RDX: variants seen among roughly 807,000 people sequenced by gnomAD.
RDX encodes deafness, autosomal recessive 24.
Under a neutral mutation model 83.7 loss-of-function variants are expected in RDX, and 32 were observed. That is an observed-to-expected ratio of 0.38 (90% CI 0.29 to 0.51). The LOEUF is 0.51. Among genes scored for constraint, RDX ranks in the 20% least tolerant of loss-of-function variants. The probability of loss-of-function intolerance (pLI) is 0.87; values close to 1 mark genes in which losing one functional copy is unlikely to be tolerated. For missense variants in RDX, 600 were observed against 689.9 expected (o/e 0.87, Z 1.46); for synonymous variants, 229 against 222.7 (o/e 1.03, Z -0.25).
chr11:110,275,902 A>G (rs144284871), intron 2 of RDX, among the ~76,000 whole-genome samples: 4,530 of 150,740 alleles, frequency 0.03, 130 homozygotes, highest in East Asian at 0.075. Flanking sequence ...CTCCTGCCAC[A>G]GCCTCCCAAG....
intron 5 of RDX, among the ~76,000 whole-genome samples, chr11:110,260,218 TCAG>T (rs1859747586): frequency 1.3e-5 from 2 of 152,086 alleles, no homozygotes; most frequent in African/African-American, 4.8e-5. Context: ...ACTCCCAGCC[TCAG>T]GTGATCCGCC....
chr11:110,235,675 A>T (rs2134307645), intron 12 of RDX, among the ~76,000 whole-genome samples: 1 of 152,320 alleles, frequency 6.6e-6, no homozygotes, highest in South Asian at 2.1e-4. Flanking sequence ...CACATCTCCT[A>T]ACATTTCTGA....
At chr11:110,201,404 G>A (rs1863396475) in intron 14 of RDX, among the ~76,000 whole-genome samples, 1 of 152,142 alleles carries the variant, frequency 6.6e-6, no homozygotes, top group African/African-American at 2.4e-5. Flanking sequence ...AAAGTTAATA[G>A]ATGAAAGGCA....
At chr11:110,175,642 G>T (rs542016269) in intron 15 of RDX, among the ~76,000 whole-genome samples, 3 of 152,096 alleles carry the variant, frequency 2.0e-5, no homozygotes, top group Non-Finnish European at 4.4e-5. Flanking sequence ...TGCCAGAGGC[G>T]AGGCTTTCTG....
chr11:110,188,520 G>T (rs891887839), intron 15 of RDX, among the ~76,000 whole-genome samples: 4 of 151,992 alleles, frequency 2.6e-5, no homozygotes, highest in Non-Finnish European at 4.4e-5. Flanking sequence ...AAGGATGGGA[G>T]GGGGGTGAGG....
At chr11:110,265,707 T>C (rs1200077230) in intron 3 of RDX, among the ~76,000 whole-genome samples, 1 of 152,068 alleles carries the variant, frequency 6.6e-6, no homozygotes, top group African/African-American at 2.4e-5. Flanking sequence ...TGCTGATGTT[T>C]TTTCCTCTGC....
At chr11:110,279,932 C>T (rs1356697551) in intron 1 of RDX, among the ~76,000 whole-genome samples, 176 bp from the exon 2 acceptor site, 1 of 152,128 alleles carries the variant, frequency 6.6e-6, no homozygotes, top group Non-Finnish European at 1.5e-5. Context: ...CCTAAGAAGA[C>T]TGAAATCTGA....
intron 14 of RDX, among the ~76,000 whole-genome samples, chr11:110,202,215 G>A (rs1257742403): frequency 6.6e-6 from 1 of 151,732 alleles, no homozygotes; most frequent in African/African-American, 2.4e-5. Flanking sequence ...GCCAACATGG[G>A]GAAACGCCAT....
At chr11:110,240,710 A>G (rs1252518428) in intron 10 of RDX, among the ~76,000 whole-genome samples, 1 of 135,808 alleles carries the variant, frequency 7.4e-6, no homozygotes, top group Non-Finnish European at 1.5e-5. Flanking sequence ...GCGCCACTGC[A>G]CTCCAGCCTG....
chr11:110,228,551 A>G (rs2134289512), downstream of RDX, among the ~76,000 whole-genome samples: 1 of 152,188 alleles, frequency 6.6e-6, no homozygotes, highest in Admixed American at 6.5e-5. Flanking sequence ...GTAATCCCTT[A>G]GACTTTAGTT....
chr11:110,184,181 A>C (rs796901014), intron 15 of RDX, among the ~76,000 whole-genome samples: 2 of 152,208 alleles, frequency 1.3e-5, no homozygotes, highest in African/African-American at 4.8e-5. Context: ...TGATCTGAGC[A>C]CTGTGGCAGC....
intron 10 of RDX, among the ~76,000 whole-genome samples, chr11:110,239,123 CTAAAAT>C (rs1864979871): frequency 6.8e-6 from 1 of 147,314 alleles, no homozygotes. Flanking sequence ...TTCTTAAAAA[CTAAAAT>C]TAAAAAAAAA....
intron 14 of RDX, among the ~76,000 whole-genome samples, chr11:110,205,361 A>G (rs909527060): frequency 7.3e-5 from 11 of 151,412 alleles, no homozygotes; most frequent in African/African-American, 2.4e-4. Context: ...CACAAGAAAA[A>G]ATCCCCACAA....
Position 110,248,493 on chromosome 11 carries a change from T to TA in RDX, c.960-661dup, listed in dbSNP as rs550295566. 2.0e-4 allele frequency among the ~76,000 whole-genome samples: 30 copies of TA among 152,262 alleles called. 1 individual carries two copies. In the South Asian group the frequency reaches 4.8e-3, roughly 24 times the overall value. ...CTATTTTTAAAAAATATTAAAAACTTAGACATTTAGGAACATCCTCAAAGG... is the reference window on the plus strand; with the variant it reads ...CTATTTTTAAAAAATATTAAAAACTTAAGACATTTAGGAACATCCTCAAAGG... On this transcript the variant is annotated intron_variant, in intron 9 of 13. Transcript: ENST00000645495.
At chr11:110,280,216 A>G (rs1022941019) in intron 1 of RDX, among the ~76,000 whole-genome samples, 4 of 152,154 alleles carry the variant, frequency 2.6e-5, no homozygotes, top group East Asian at 1.9e-4. Flanking sequence ...GATTAATGTA[A>G]TCTACAAAAA....
At chr11:110,252,099 C>G (rs902288338) in intron 9 of RDX, among the ~76,000 whole-genome samples, 15 of 152,278 alleles carry the variant, frequency 9.9e-5, no homozygotes, top group African/African-American at 3.6e-4. Context: ...TGAAAGACTG[C>G]CAATTCCTAG....
chr11:110,232,059 T>C, intron 13 of RDX, 26 bp from the exon 14 acceptor site: 9 of 1,568,982 alleles, frequency 5.7e-6, no homozygotes, highest in Non-Finnish European at 7.9e-6. Context: ...AAAGTACAAC[T>C]ATTATTTTTT....
intron 14 of RDX, among the ~76,000 whole-genome samples, chr11:110,207,263 C>CACCACT (rs1863640171): frequency 6.6e-6 from 1 of 152,092 alleles, no homozygotes. Flanking sequence ...CCTGAGCCAC[C>CACCACT]GCACCTGGCC....
chr11:110,181,050 C>T (rs1010345844), intron 15 of RDX, among the ~76,000 whole-genome samples: 2 of 152,108 alleles, frequency 1.3e-5, no homozygotes, highest in South Asian at 4.2e-4. Flanking sequence ...TGCTTCATTG[C>T]CCCATTCCAG....
Sources: allele counts gnomAD v4.1 joint callset (sites outside exome capture counted in the v4.1 genomes callset), GRCh38; gene constraint gnomAD v4.1.1; transcripts MANE v1.5; gene names NCBI Gene and HGNC (gene_info 2026-07-23, HGNC 2026-07-21).